The following DHX38 variants were observed in gnomAD, a reference collection of about 807,000 sequenced individuals.
The protein encoded by DHX38 is DEAH-box helicase 38, also known as pre-mRNA-splicing factor ATP-dependent RNA helicase PRP16.
In DHX38, 100 loss-of-function variants were observed where a neutral mutation model predicts 153.1. The observed-to-expected ratio is 0.65, with a 90% CI of 0.56 to 0.77. DHX38 has a LOEUF of 0.77. Among genes scored for constraint, DHX38 ranks in the 30% least tolerant of loss-of-function variants. DHX38 has a pLI of 0.00. For synonymous variants in DHX38, 650 were observed against 631.7 expected (o/e 1.03, Z -0.43); for missense variants, 1,440 against 1,654.0 (o/e 0.87, Z 2.24).
Position 72,108,244 on chromosome 16 carries a change from T to C in DHX38, c.2982T>C (p.Ser994=). ...CTTCCTAGGGTCGAGAGGAGGAGAGTGATCAAATCCGGGAGAAGTTCGCTG... is the reference window on the plus strand; with the variant it reads ...CTTCCTAGGGTCGAGAGGAGGAGAGCGATCAAATCCGGGAGAAGTTCGCTG... The part of the protein sequence containing the change: ...FYRPKGREEE[S]DQIREKFAVP... Residue 994 remains serine (S), a synonymous_variant, in exon 22 of 27, where the codon AGT becomes AGC. Transcript: ENST00000268482. 1 of 1,613,150 alleles carries C rather than the reference T, an allele frequency of 6.2e-7. No individual in the cohort carries two copies. Among genetic ancestry groups the C allele is most frequent in the Non-Finnish European group, 8.5e-7 (1 of 1,179,810 alleles).
Position 72,111,066 on chromosome 16 carries a change from G to C in DHX38, c.3588G>C (p.Leu1196=), listed in dbSNP as rs145363096. 45 of 1,565,720 alleles carry C rather than the reference G, an allele frequency of 2.9e-5. No individual in the cohort carries two copies. In the African/African-American group the frequency reaches 4.1e-4, roughly 14 times the overall value. The change falls in exon 26 of 27, where the codon CTG becomes CTC. Residue 1196 remains leucine (L), a synonymous_variant. Transcript: ENST00000268482. ...AGGAGCAGGAGAAGCGCAGCCCCCT[G>C]GGCAGTGTCAGGTGAGCTCCGGCCT... is the stretch of plus-strand genomic sequence containing the variant. ...RRQEQEKRSP[L]GSVRSTKIYT... is the part of the protein sequence containing the mutation.
In DHX38 at chr16:72,098,970, C is replaced by T; in HGVS notation, c.808C>T (p.Pro270Ser). 1 of 1,614,072 alleles carries T rather than the reference C, an allele frequency of 6.2e-7. No individual in the cohort carries two copies. The highest frequency in any genetic ancestry group is 8.5e-7 in the Non-Finnish European group (1 of 1,180,050). The change falls in exon 6 of 27, where the codon CCC becomes TCC. Residue 270 changes from proline (P) to serine (S), a missense_variant. By Grantham distance (74) the Pro-to-Ser change is moderately conservative. This residue lies in a region of DHX38 where 483 missense variants were observed against 465.1 expected (regional missense o/e 1.04). Transcript: ENST00000268482. ...CTCGGATGACACGCCTCTGCCAACT[C>T]CCTCCTACAAATATAACGAGTGGGC... ...KYSDDTPLPT[P>S]SYKYNEWADD... is the part of the protein sequence containing the mutation.
At chr16:72,106,332 G>A (rs752455740) in intron 19 of DHX38, among the ~76,000 whole-genome samples, 6 of 152,232 alleles carry the variant, frequency 3.9e-5, no homozygotes, top group Non-Finnish European at 8.8e-5. Flanking sequence ...GCCAACCTAC[G>A]TGGATGTAGG....
intron 2 of DHX38, 115 bp from the exon 3 acceptor site, chr16:72,096,707 C>T (rs1162507494): frequency 2.0e-5 from 30 of 1,485,772 alleles, no homozygotes; most frequent in African/African-American, 5.6e-5. Flanking sequence ...TGTGAGCCTG[C>T]GTCCCAGGGA....
In DHX38 at chr16:72,098,953, A is replaced by T. The variant is rs2042059185; in HGVS notation, c.791A>T (p.Asp264Val). The T allele has an allele frequency of 6.2e-7, 1 of 1,614,150 alleles. No individual in the cohort carries two copies. The highest frequency in any genetic ancestry group is 2.2e-5 in the East Asian group (1 of 44,886). Residue 264 changes from aspartate to valine, a missense_variant, in exon 6 of 27, where the codon GAC (aspartate) becomes GTC (valine). Asp to Val is a radical substitution (Grantham distance 152). Around this residue, in one of 6 missense-constraint regions of DHX38, gnomAD observed 483 missense variants for 465.1 expected, o/e 1.04. Coordinates refer to ENST00000268482, the MANE Select transcript of DHX38 (RefSeq NM_014003.4). ...DRSVRGKYSD[D>V]TPLPTPSYKY... is the part of the protein sequence containing the mutation. ...TCTGTGAGGGGCAAGTACTCGGATG[A>T]CACGCCTCTGCCAACTCCCTCCTAC...
At position 72,109,890 on chromosome 16, in the gene DHX38, A is replaced by G. The variant is rs561551107; in HGVS notation, c.3477+380A>G. On this transcript the variant is annotated intron_variant, in intron 25 of 26. Transcript: ENST00000268482. ...TCTGGAATATTTTAAAGCTTATCTC[A>G]TACATTATTCATCCATAAATACTTG... 293 of 159,990 alleles carry G rather than the reference A, an allele frequency of 1.8e-3. 4 individuals carry two copies. The South Asian group carries it at 0.023, about 13-fold the overall frequency. 9.9% of individuals were successfully genotyped at this position (159,990 alleles called of 1,614,324 possible).
chr16:72,104,924 A>C lies in DHX38; in HGVS notation c.2152-103A>C. ...GGAGGTGTGGTGGCCCTCAAAGTCCATGGCTCCATTCCAGAGCAGTGCCTG... is the reference window on the plus strand; with the variant it reads ...GGAGGTGTGGTGGCCCTCAAAGTCCCTGGCTCCATTCCAGAGCAGTGCCTG... On this transcript the variant is annotated intron_variant, in intron 15 of 26. Coordinates refer to ENST00000268482, the MANE Select transcript of DHX38 (RefSeq NM_014003.4). This position sits in a 1 kb window ranked among gnomAD's most constrained non-coding sequence, Gnocchi z 4.5. 8.4e-7 allele frequency: 1 copy of C among 1,195,856 alleles called. No homozygotes were observed. The highest frequency in any genetic ancestry group is 1.2e-6 in the Non-Finnish European group (1 of 855,234). 74.1% of individuals were successfully genotyped at this position (1,195,856 alleles called of 1,614,324 possible). A position where few individuals can be genotyped will look rare whatever the true frequency, so the allele number is the denominator to read the frequency against.
rs1597438384 is a variant in DHX38, at chr16:72,097,206, T to C, written c.511+197T>C. On this transcript the variant is annotated intron_variant, in intron 3 of 26. Transcript: ENST00000268482. The stretch of plus-strand genomic sequence containing the variant: ...GAGCTGTTGCCTGTAACATAGCTGC[T>C]CTCCTTGAGTGTGTGGTCTTCGTTT... 3 of 534,204 alleles carry C rather than the reference T, an allele frequency of 5.6e-6. No homozygotes were observed. The East Asian group carries it at 9.3e-5, about 16-fold the overall frequency. 33.1% of individuals were successfully genotyped at this position (534,204 alleles called of 1,614,324 possible).
At position 72,097,804 on chromosome 16, in the gene DHX38, T is replaced by A. The variant is rs1453840421; in HGVS notation, c.616+23T>A. On this transcript the variant is annotated intron_variant, in intron 4 of 26. Transcript: ENST00000268482. ...AAGGTAGACTCACTGTTTTGGTGGC[T>A]TGTGAGGATTCAAGTGTATAAAAGG... 3.7e-6 allele frequency: 6 copies of A among 1,600,854 alleles called. No homozygotes were observed. The South Asian group carries it at 4.5e-5, about 12-fold the overall frequency.
At chr16:72,111,338 C>T (rs1477987593) in intron 26 of DHX38, among the ~76,000 whole-genome samples, 2 of 152,210 alleles carry the variant, frequency 1.3e-5, no homozygotes, top group African/African-American at 2.4e-5. Context: ...CAGCTTTACT[C>T]ATGAGCGAGG....
intron 26 of DHX38, chr16:72,112,131 G>A (rs2042264800): frequency 2.0e-6 from 1 of 489,842 alleles, no homozygotes; most frequent in African/African-American, 1.9e-5. Flanking sequence ...AGTGGCGCAC[G>A]TGAGGTGGAG....
intron 4 of DHX38, 151 bp from the exon 5 acceptor site, chr16:72,098,494 C>A: frequency 9.5e-7 from 1 of 1,049,272 alleles, no homozygotes; most frequent in Non-Finnish European, 1.3e-6. Context: ...TCTTTAAAAA[C>A]TGTCAAAACC....
intron 2 of DHX38, 35 bp downstream of exon 2, chr16:72,096,515 G>A: frequency 6.5e-7 from 1 of 1,545,512 alleles, no homozygotes; most frequent in African/African-American, 1.4e-5. Context: ...CCAGAGGGAA[G>A]CGAACGGAGG....
chr16:72,108,317 A>G lies in DHX38; in HGVS notation c.3055A>G (p.Lys1019Glu), dbSNP rs1404849186. 6.2e-7 allele frequency: 1 copy of G among 1,614,014 alleles called. No homozygotes were observed. Among genetic ancestry groups the G allele is most frequent in the African/African-American group, 1.3e-5 (1 of 74,880 alleles). Residue 1019 changes from lysine to glutamate, a missense_variant, in exon 22 of 27, where the codon AAG (lysine) becomes GAG (glutamate). By Grantham distance (56) the Lys-to-Glu change is moderately conservative. Coordinates refer to ENST00000268482, the MANE Select transcript of DHX38 (RefSeq NM_014003.4). ...CTACCTGAATGTTTACCTGCAGTGG[A>G]AGAACAATAATTACTCCACCATCTG... ...LTYLNVYLQW[K>E]NNNYSTIWCN... is the part of the protein sequence containing the mutation.
At chr16:72,103,313 T>G in intron 12 of DHX38, 102 bp downstream of exon 12, 1 of 1,455,082 alleles carries the variant, frequency 6.9e-7, no homozygotes. Flanking sequence ...TTGCACCCAG[T>G]GGAGAAGGGA....
chr16:72,103,933 C>G lies in DHX38; in HGVS notation c.1825-13C>G. ...GGTGGCCAGGGCATCTGAGCCATCT[C>G]TCTGACCTCCAGGTGGGCTATGCCA... is the stretch of plus-strand genomic sequence containing the variant. On this transcript the variant is annotated splice_polypyrimidine_tract_variant and intron_variant, in intron 13 of 26. Coordinates refer to ENST00000268482, the MANE Select transcript of DHX38 (RefSeq NM_014003.4). 13 of 1,613,096 alleles carry G rather than the reference C, an allele frequency of 8.1e-6. No homozygotes were observed. The highest frequency in any genetic ancestry group is 1.1e-5 in the Non-Finnish European group (13 of 1,179,098).
Position 72,104,689 on chromosome 16 carries a change from C to T in DHX38, c.2151+63C>T, listed in dbSNP as rs753432299. 4.2e-5 allele frequency: 68 copies of T among 1,603,066 alleles called. No individual in the cohort carries two copies. The highest frequency in any genetic ancestry group is 1.2e-4 in the Admixed American group (7 of 59,830). ...GCCACGCACTTCTCTGATGCGAAGC[C>T]GGCTGGAGGGTGGAGGGTGGGTAGG... On this transcript the variant is annotated intron_variant, in intron 15 of 26. Transcript: ENST00000268482. This position sits in a 1 kb window ranked among gnomAD's most constrained non-coding sequence, Gnocchi z 4.5.
At position 72,112,868 on chromosome 16, in the gene DHX38, TATA is replaced by T. The variant is rs967771215; in HGVS notation, c.*374_*376del. 2.9e-6 allele frequency: 2 copies of T among 699,040 alleles called. No individual in the cohort carries two copies. Among genetic ancestry groups the T allele is most frequent in the African/African-American group, 3.5e-5 (2 of 57,184 alleles). The allele number at this position is 699,040 out of a possible 1,614,324, so 43.3% of individuals were successfully genotyped here. A position where few individuals can be genotyped will look rare whatever the true frequency, so the allele number is the denominator to read the frequency against. On this transcript the variant is annotated 3_prime_UTR_variant, in exon 27 of 27. Coordinates refer to ENST00000268482, the MANE Select transcript of DHX38 (RefSeq NM_014003.4). ...GACCTAAAGGGAATTGTAATTTGGT[TATA>T]ATTCAGGATTTGGAAATAAATTTAT... is the stretch of plus-strand genomic sequence containing the variant.
At position 72,097,698 on chromosome 16, in the gene DHX38, A is replaced by G. The variant is rs568581243; in HGVS notation, c.533A>G (p.His178Arg). ...RDRDERDRSR[H>R]SSRSERDGGS... ...ATAGATGAGCGGGATAGAAGTAGGC[A>G]CAGCAGCAGATCAGAGCGAGATGGA... The change falls in exon 4 of 27, where the codon CAC becomes CGC. Residue 178 changes from histidine (H) to arginine (R), a missense_variant. His to Arg is a conservative substitution (Grantham distance 29). Around this residue, in one of 6 missense-constraint regions of DHX38, gnomAD observed 483 missense variants for 465.1 expected, o/e 1.04. Transcript: ENST00000268482. 1.2e-6 allele frequency: 2 copies of G among 1,614,158 alleles called. No homozygotes were observed. The highest frequency in any genetic ancestry group is 3.3e-5 in the Admixed American group (2 of 60,028).
Sources: allele counts gnomAD v4.1 joint callset (sites outside exome capture counted in the v4.1 genomes callset), GRCh38; gene constraint gnomAD v4.1.1; regional missense constraint gnomAD v4.1.1; non-coding constraint Gnocchi (gnomAD v3.1); transcripts MANE v1.5; gene names NCBI Gene and HGNC (gene_info 2026-07-23, HGNC 2026-07-21).